Variants in BICC1 observed in about 807,000 individuals in gnomAD.
The protein encoded by BICC1 is protein bicaudal C homolog 1.
A neutral mutation model predicts 111.0 loss-of-function variants in BICC1; 43 were observed. The ratio of observed to expected loss-of-function variants is 0.39; its 90% confidence interval spans 0.30 to 0.50. The LOEUF is 0.50. BICC1 is among the 20% of genes least tolerant of loss of function. The probability of loss-of-function intolerance (pLI) is 0.88; values close to 1 mark genes in which losing one functional copy is unlikely to be tolerated. For missense variants in BICC1, 1,091 were observed against 1,203.2 expected, an observed-to-expected ratio of 0.91 and a Z score of 1.38; for synonymous variants, 467 against 434.4, an observed-to-expected ratio of 1.07 and a Z score of -0.93.
chr10:58,546,156 G>C (rs1649066), intron 1 of BICC1, among the ~76,000 whole-genome samples: 69,863 of 151,900 alleles, frequency 0.46, 17,125 homozygotes, highest in Admixed American at 0.62. Context: ...TTAGCTTACA[G>C]ATACTGTTGG....
In BICC1 at chr10:58,543,882, T is replaced by G. The variant is rs889783844; in HGVS notation, c.190+30549T>G. ...CCTGTCTGCATTCTGATATTTTACCTGATAGGACAAATTTGCCTTAGGTAA... is the reference window on the plus strand; with the variant it reads ...CCTGTCTGCATTCTGATATTTTACCGGATAGGACAAATTTGCCTTAGGTAA... On this transcript the variant is annotated intron_variant, in intron 1 of 20. Transcript: ENST00000373886. Among the ~76,000 whole-genome samples, 32 of 150,724 alleles carry G rather than the reference T, an allele frequency of 2.1e-4. 1 individual carries two copies. Among genetic ancestry groups the G allele is most frequent in the African/African-American group, 7.3e-4 (30 of 41,068 alleles).
At chr10:58,646,919 C>G (rs1564529672) in intron 2 of BICC1, among the ~76,000 whole-genome samples, 1 of 151,944 alleles carries the variant, frequency 6.6e-6, no homozygotes, top group African/African-American at 2.4e-5. Flanking sequence ...CCTTCTTTCT[C>G]TCTTTCTTTC....
chr10:58,549,376 A>G (rs1036988526), intron 1 of BICC1, among the ~76,000 whole-genome samples: 1 of 152,142 alleles, frequency 6.6e-6, no homozygotes, highest in Non-Finnish European at 1.5e-5. Context: ...CTGTATTCCA[A>G]AATTTGGAAT....
intron 1 of BICC1, among the ~76,000 whole-genome samples, chr10:58,606,541 A>G (rs908807941): frequency 6.6e-5 from 10 of 152,082 alleles, no homozygotes; most frequent in African/African-American, 2.4e-4. Flanking sequence ...GTGCACATCT[A>G]CCCTAAAACT....
At chr10:58,733,551 T>C (rs1258846349) in intron 3 of BICC1, among the ~76,000 whole-genome samples, 2 of 152,194 alleles carry the variant, frequency 1.3e-5, no homozygotes, top group Non-Finnish European at 2.9e-5. Context: ...CCAAGTTTCA[T>C]CTAGGGTAGC....
chr10:58,761,030 T>A (rs540887689), intron 3 of BICC1, among the ~76,000 whole-genome samples: 41 of 151,764 alleles, frequency 2.7e-4, no homozygotes, highest in African/African-American at 6.3e-4. Context: ...TTTTGTATAT[T>A]TTTTTTTAAT....
chr10:58,735,622 A>G (rs993656498), intron 3 of BICC1, among the ~76,000 whole-genome samples: 26 of 152,294 alleles, frequency 1.7e-4, no homozygotes, highest in African/African-American at 6.0e-4. Context: ...ATGATTGGGA[A>G]CTGAAACTTG....
intron 2 of BICC1, among the ~76,000 whole-genome samples, chr10:58,643,466 T>A (rs1417153863): frequency 1.3e-5 from 2 of 152,228 alleles, no homozygotes; most frequent in Non-Finnish European, 1.5e-5. Flanking sequence ...CCTCTAAATG[T>A]GAGCTTGGCT....
At chr10:58,525,374 T>C (rs12784328) in intron 1 of BICC1, among the ~76,000 whole-genome samples, 7,127 of 109,984 alleles carry the variant, frequency 0.065, 2,105 homozygotes, top group Non-Finnish European at 0.1. Flanking sequence ...CATGGAATAC[T>C]ATGCAGCCAT....
chr10:58,741,678 A>G (rs1273774491), intron 3 of BICC1, among the ~76,000 whole-genome samples: 3 of 152,226 alleles, frequency 2.0e-5, no homozygotes, highest in Admixed American at 6.5e-5. Context: ...GAAACTGAGA[A>G]TAAGATTGAG....
At chr10:58,627,458 G>C (rs1218734666) in intron 2 of BICC1, among the ~76,000 whole-genome samples, 4 of 152,128 alleles carry the variant, frequency 2.6e-5, no homozygotes, top group African/African-American at 9.7e-5. Context: ...TCCTGTACTT[G>C]TCGGCATTTC....
At chr10:58,612,252 A>G (rs144515431) in intron 1 of BICC1, among the ~76,000 whole-genome samples, 178 of 152,346 alleles carry the variant, frequency 1.2e-3, no homozygotes, top group African/African-American at 3.9e-3. Flanking sequence ...AGAGCTTTGC[A>G]TGCCATTCCA....
In BICC1 at chr10:58,550,796, G is replaced by C. The variant is rs560889748; in HGVS notation, c.190+37463G>C. Among the ~76,000 whole-genome samples the C allele has an allele frequency of 5.9e-5, 9 of 152,220 alleles. No individual in the cohort carries two copies. The East Asian group carries it at 1.7e-3, about 29-fold the overall frequency. ...TCTGTGTCTTGTTCCATTGACCAAT[G>C]CATCTATTCTTTCTGCCAATTCTAC... On this transcript the variant is annotated intron_variant, in intron 1 of 20. Transcript: ENST00000373886.
chr10:58,702,016 C>T, intron 2 of BICC1, 58 bp from the exon 3 acceptor site: 1 of 1,321,966 alleles, frequency 7.6e-7, no homozygotes, highest in South Asian at 1.3e-5. Flanking sequence ...TGTGAAAAAT[C>T]TTATCTGTAA....
chr10:58,803,105 G>A lies in BICC1; in HGVS notation c.2044G>A (p.Glu682Lys). 1 of 1,608,424 alleles carries A rather than the reference G, an allele frequency of 6.2e-7. No individual in the cohort carries two copies. The highest frequency in any genetic ancestry group is 1.1e-5 in the South Asian group (1 of 89,236). Residue 682 changes from glutamate (E) to lysine (K), a missense_variant, in exon 15 of 21, where the codon GAA (glutamate) becomes AAA (lysine). Around this residue, in one of 3 missense-constraint regions of BICC1, gnomAD observed 843 missense variants for 900.8 expected, o/e 0.94. Coordinates refer to ENST00000373886, the MANE Select transcript of BICC1 (RefSeq NM_001080512.3). ...CACTGACAGGTTGCTCTCAGACCCTGAACTGAGTGCTACCGAAAGCCCTTT... is the reference window on the plus strand; with the variant it reads ...CACTGACAGGTTGCTCTCAGACCCTAAACTGAGTGCTACCGAAAGCCCTTT... Reference protein sequence around the residue: ...HSTDRLLSDPELSATESPLAD... With the variant: ...HSTDRLLSDPKLSATESPLAD...
At chr10:58,536,307 A>G (rs1341494909) in intron 1 of BICC1, among the ~76,000 whole-genome samples, 1 of 151,790 alleles carries the variant, frequency 6.6e-6, no homozygotes, top group Non-Finnish European at 1.5e-5. Context: ...ACATTCTCCA[A>G]AATAGATCAT....
intron 1 of BICC1, among the ~76,000 whole-genome samples, chr10:58,594,233 A>T (rs959185228): frequency 2.0e-5 from 3 of 152,162 alleles, no homozygotes; most frequent in African/African-American, 7.2e-5. Context: ...GTGTGAAAAG[A>T]CTAAATCTAC....
chr10:58,706,776 A>G (rs1226760600), intron 3 of BICC1, among the ~76,000 whole-genome samples: 1 of 152,154 alleles, frequency 6.6e-6, no homozygotes. Flanking sequence ...CCATGATTGT[A>G]AGTTTCCTGA....
At chr10:58,568,805 GA>G (rs1187188037) in intron 1 of BICC1, among the ~76,000 whole-genome samples, 3 of 152,150 alleles carry the variant, frequency 2.0e-5, no homozygotes, top group Admixed American at 6.5e-5. Context: ...AAGAAGGCAA[GA>G]ATCACATCTG....
Sources: allele counts gnomAD v4.1 joint callset (sites outside exome capture counted in the v4.1 genomes callset), GRCh38; gene constraint gnomAD v4.1.1; regional missense constraint gnomAD v4.1.1; transcripts MANE v1.5; gene names NCBI Gene and HGNC (gene_info 2026-07-23, HGNC 2026-07-21).